The following MAP2K5 variants were observed in gnomAD, a reference collection of about 807,000 sequenced individuals.
MAP2K5 encodes the protein mitogen-activated protein kinase kinase 5, also known as dual specificity mitogen-activated protein kinase kinase 5.
A neutral mutation model predicts 83.1 loss-of-function variants in MAP2K5; 49 were observed. That is an observed-to-expected ratio of 0.59 (90% CI 0.47 to 0.75). The LOEUF is 0.75. MAP2K5 is among the 30% of genes least tolerant of loss of function. The pLI is 0.00. For missense variants in MAP2K5, 457 were observed against 557.5 expected, an observed-to-expected ratio of 0.82 and a Z score of 1.82; for synonymous variants, 202 against 191.8, an observed-to-expected ratio of 1.05 and a Z score of -0.44.
intron 2 of MAP2K5, among the ~76,000 whole-genome samples, chr15:67,550,722 TG>T (rs1431273378): frequency 6.6e-5 from 10 of 151,924 alleles, no homozygotes; most frequent in Non-Finnish European, 1.5e-4. Flanking sequence ...AAGTAAGAAC[TG>T]TAGTTTTTTT....
intron 20 of MAP2K5, among the ~76,000 whole-genome samples, chr15:67,772,448 A>G (rs1203146521): frequency 2.6e-5 from 4 of 152,108 alleles, no homozygotes; most frequent in Non-Finnish European, 5.9e-5. Context: ...TTCATTCTTT[A>G]TTTGTGTTGC....
chr15:67,741,027 C>CAA (rs34516294), intron 17 of MAP2K5, among the ~76,000 whole-genome samples: 24 of 63,006 alleles, frequency 3.8e-4, no homozygotes, highest in African/African-American at 7.1e-4. Context: ...GACTCCGTCT[C>CAA]AAAAAAAAAA....
At chr15:67,611,797 G>A (rs900615746) in intron 8 of MAP2K5, among the ~76,000 whole-genome samples, 4 of 152,126 alleles carry the variant, frequency 2.6e-5, no homozygotes, top group Non-Finnish European at 5.9e-5. Flanking sequence ...TCTAAGAGGA[G>A]CTAGAATAAA....
At chr15:67,626,495 C>G (rs1189217616) in intron 8 of MAP2K5, among the ~76,000 whole-genome samples, 1 of 152,060 alleles carries the variant, frequency 6.6e-6, no homozygotes, top group African/African-American at 2.4e-5. Context: ...CCACTGCACT[C>G]TAGTCTGGGC....
At chr15:67,674,863 C>T (rs1313125019) in intron 13 of MAP2K5, among the ~76,000 whole-genome samples, 1 of 152,110 alleles carries the variant, frequency 6.6e-6, no homozygotes, top group Non-Finnish European at 1.5e-5. Context: ...TGTTCAATAT[C>T]ATTAGGCTTT....
At chr15:67,735,808 C>T (rs2089327188) in intron 17 of MAP2K5, among the ~76,000 whole-genome samples, 1 of 152,134 alleles carries the variant, frequency 6.6e-6, no homozygotes, top group South Asian at 2.1e-4. Flanking sequence ...AACTTGGACA[C>T]CAAGTCATAA....
At chr15:67,682,908 G>A (rs553355690) in intron 13 of MAP2K5, among the ~76,000 whole-genome samples, 2 of 151,962 alleles carry the variant, frequency 1.3e-5, no homozygotes, top group Admixed American at 1.3e-4. Context: ...GGGAGGCTGA[G>A]GCAGGTGGAT....
In MAP2K5 at chr15:67,702,358, G is replaced by A. The variant is rs188192575; in HGVS notation, c.973-979G>A. ...TGTTGTTGATGATAGTAATGATGGT[G>A]ACAATAATGTTATTCCTGTAGCCGG... On this transcript the variant is annotated intron_variant, in intron 15 of 21. Coordinates refer to ENST00000178640, the MANE Select transcript of MAP2K5 (RefSeq NM_145160.3). This position sits in a 1 kb window ranked among gnomAD's most constrained non-coding sequence, Gnocchi z 4.6. Among the ~76,000 whole-genome samples the A allele has an allele frequency of 1.3e-5, 2 of 152,284 alleles. No individual in the cohort carries two copies. Among genetic ancestry groups the A allele is most frequent in the East Asian group, 3.9e-4 (2 of 5,186 alleles).
At position 67,720,461 on chromosome 15, in the gene MAP2K5, AC is replaced by A. The variant is rs1372137828; in HGVS notation, c.1045-7453del. Among the ~76,000 whole-genome samples the A allele has an allele frequency of 6.6e-6, 1 of 152,194 alleles. No homozygotes were observed. Among genetic ancestry groups the A allele is most frequent in the Non-Finnish European group, 1.5e-5 (1 of 68,032 alleles). On this transcript the variant is annotated intron_variant, in intron 16 of 21. Coordinates refer to ENST00000178640, the MANE Select transcript of MAP2K5 (RefSeq NM_145160.3). The surrounding 1 kb of genome is among the most constrained non-coding windows in gnomAD (Gnocchi z 5.7). Reference sequence around the variant, plus strand: ...GTTTTGGGACAGCAGGGTTAGAAAGACCAAGAAACATTTAAAGATTCAAAAC... The same window carrying A: ...GTTTTGGGACAGCAGGGTTAGAAAGACAAGAAACATTTAAAGATTCAAAAC...
chr15:67,612,032 A>G (rs1364563104), intron 8 of MAP2K5, among the ~76,000 whole-genome samples: 2 of 150,476 alleles, frequency 1.3e-5, no homozygotes, highest in African/African-American at 4.9e-5. Context: ...AACCTCAGTC[A>G]GTTCAACACA....
At chr15:67,767,761 G>A (rs939459374) in intron 19 of MAP2K5, among the ~76,000 whole-genome samples, 2 of 152,044 alleles carry the variant, frequency 1.3e-5, no homozygotes, top group African/African-American at 4.8e-5. Context: ...GCTATTTTGT[G>A]TCTTGTTTCT....
intron 8 of MAP2K5, chr15:67,628,445 T>C (rs932936185): frequency 1.0e-4 from 57 of 560,106 alleles, no homozygotes; most frequent in South Asian, 6.2e-4. Context: ...GTGCCACTGC[T>C]CTCCAGCCTG....
chr15:67,765,566 C>T lies in MAP2K5; in HGVS notation c.1135-4036C>T, dbSNP rs577488242. 2.0e-5 allele frequency among the ~76,000 whole-genome samples: 3 copies of T among 152,184 alleles called. No individual in the cohort carries two copies. The South Asian group carries it at 6.2e-4, about 32-fold the overall frequency. ...ATTATAGTTTCAAAAAAAGAATATTCCTTGAATATTAAAAGCATTTTTCTC... is the reference window on the plus strand; with the variant it reads ...ATTATAGTTTCAAAAAAAGAATATTTCTTGAATATTAAAAGCATTTTTCTC... On this transcript the variant is annotated intron_variant, in intron 19 of 21. Transcript: ENST00000178640.
In MAP2K5 at chr15:67,769,519, T is replaced by C. The variant is rs991243842; in HGVS notation, c.1135-83T>C. ...CTCATTGTATTCATCTTTATACTCA[T>C]CCTTCACATGGGTGGGTGGGGAATA... On this transcript the variant is annotated intron_variant, in intron 19 of 21. Coordinates refer to ENST00000178640, the MANE Select transcript of MAP2K5 (RefSeq NM_145160.3). This position sits in a 1 kb window ranked among gnomAD's most constrained non-coding sequence, Gnocchi z 5.2. 8.4e-7 allele frequency: 1 copy of C among 1,187,492 alleles called. No homozygotes were observed. Among genetic ancestry groups the C allele is most frequent in the African/African-American group, 1.5e-5 (1 of 66,700 alleles). The allele number at this position is 1,187,492 out of a possible 1,614,324, so 73.6% of individuals were successfully genotyped here.
At chr15:67,685,522 A>G (rs946982385) in intron 13 of MAP2K5, among the ~76,000 whole-genome samples, 1 of 152,222 alleles carries the variant, frequency 6.6e-6, no homozygotes, top group Non-Finnish European at 1.5e-5. Context: ...CAAATCGTGG[A>G]TAAATAAAAA....
At chr15:67,628,600 A>C in intron 8 of MAP2K5, 1 of 1,274,172 alleles carries the variant, frequency 7.8e-7, no homozygotes, top group Admixed American at 1.7e-5. Flanking sequence ...CAGTGGCAAG[A>C]AAAGGGGCTT....
intron 8 of MAP2K5, among the ~76,000 whole-genome samples, chr15:67,624,203 C>G (rs7167137): frequency 0.81 from 123,549 of 151,648 alleles, 51,434 homozygotes; most frequent in Middle Eastern, 0.93. Flanking sequence ...GCCAGGCGTG[C>G]TGGCGGGTAC....
At chr15:67,682,084 A>G (rs892061545) in intron 13 of MAP2K5, among the ~76,000 whole-genome samples, 10 of 152,194 alleles carry the variant, frequency 6.6e-5, no homozygotes, top group African/African-American at 2.4e-4. Context: ...TTGATATTGC[A>G]TTAAAATAAG....
At chr15:67,773,553 C>T (rs562862109) in intron 21 of MAP2K5, among the ~76,000 whole-genome samples, 3 of 152,256 alleles carry the variant, frequency 2.0e-5, no homozygotes, top group African/African-American at 4.8e-5. Flanking sequence ...TAGAGGTTTT[C>T]GTCCTTTGTA....
Sources: allele counts gnomAD v4.1 joint callset (sites outside exome capture counted in the v4.1 genomes callset), GRCh38; gene constraint gnomAD v4.1.1; non-coding constraint Gnocchi (gnomAD v3.1); transcripts MANE v1.5; gene names NCBI Gene and HGNC (gene_info 2026-07-23, HGNC 2026-07-21).